MYH2: variants seen among roughly 807,000 people sequenced by gnomAD.
MYH2 encodes the protein myosin heavy chain 2.
MYH2 carries 139 observed loss-of-function variants against 228.1 expected under a neutral mutation model. That is an observed-to-expected ratio of 0.61 (90% CI 0.53 to 0.70). MYH2 has a LOEUF of 0.70. Among genes scored for constraint, MYH2 ranks in the 30% least tolerant of loss-of-function variants. The pLI, the probability that MYH2 is intolerant of heterozygous loss-of-function variation, is 0.00. For synonymous variants in MYH2, 796 were observed against 871.1 expected (o/e 0.91, Z 1.52); for missense variants, 1,809 against 2,357.5 (o/e 0.77, Z 4.82).
rs183147747 is a variant in MYH2 at position 10,545,409 on chromosome 17, G to A, written c.442C>T (p.Arg148Cys). The change falls in exon 5 of 40, where the codon CGC (arginine) becomes TGC (cysteine). Residue 148 changes from arginine to cysteine, a missense_variant. Physicochemically the swap from Arg to Cys is radical, Grantham distance 180. This residue lies in a region of MYH2 where 373 missense variants were observed against 620.4 expected (regional missense o/e 0.60). Coordinates refer to ENST00000245503, the MANE Select transcript of MYH2 (RefSeq NM_017534.6). ...AAGATGTGGGGCGGGGCCTCCTGGC[G>A]CTTTTTGCCTCGGTAGGCTGTCACC... ...EVVTAYRGKK[R>C]QEAPPHIFSI... 2.5e-6 allele frequency: 4 copies of A among 1,614,140 alleles called. No homozygotes were observed. Among genetic ancestry groups the A allele is most frequent in the Admixed American group, 1.7e-5 (1 of 60,008 alleles).
chr17:10,523,952 GA>G (rs1186705011), intron 35 of MYH2, 68 bp from the exon 36 acceptor site: 6 of 1,513,914 alleles, frequency 4.0e-6, no homozygotes, highest in Non-Finnish European at 5.4e-6. Flanking sequence ...ACCACTTCTT[GA>G]AAAAAATTCA....
intron 5 of MYH2, among the ~76,000 whole-genome samples, chr17:10,544,712 A>G (rs16943508): frequency 0.41 from 61,650 of 151,998 alleles, 13,519 homozygotes; most frequent in East Asian, 0.83. Context: ...CTGAAGAGGA[A>G]TTCTCTAAGC....
Position 10,525,313 on chromosome 17 carries a change from C to T in MYH2, c.4573G>A (p.Gly1525Arg), listed in dbSNP as rs910402127. Residue 1525 changes from glycine (G) to arginine (R), a missense_variant, in exon 33 of 40, where the codon GGA becomes AGA. By Grantham distance (125) the Gly-to-Arg change is moderately radical (BLOSUM62 -2). Coordinates refer to ENST00000245503, the MANE Select transcript of MYH2 (RefSeq NM_017534.6). The surrounding 1 kb of genome is among the most constrained non-coding windows in gnomAD (Gnocchi z 4.2). ...ISDLTEQIAE[G>R]GKRIHELEKI... ...TCCAGTTCATGGATACGTTTCCCTC[C>T]TTCTGCAATCTGTTCCGTGAGGTCA... The T allele has an allele frequency of 1.1e-5, 17 of 1,613,984 alleles. 1 individual carries two copies. The highest frequency in any genetic ancestry group is 6.7e-5 in the Admixed American group (4 of 59,988).
chr17:10,530,143 G>A (rs994245672), intron 22 of MYH2, 69 bp from the exon 23 acceptor site: 2 of 1,610,790 alleles, frequency 1.2e-6, no homozygotes, highest in African/African-American at 2.7e-5. Context: ...AAGAGTGTAT[G>A]TTTCTGCATT....
At chr17:10,546,937 A>T (rs1380681893) in intron 4 of MYH2, among the ~76,000 whole-genome samples, 2 of 151,362 alleles carry the variant, frequency 1.3e-5, no homozygotes, top group African/African-American at 4.9e-5. Flanking sequence ...ACGAAAAAAA[A>T]AAAAATAGCC....
chr17:10,522,845 T>C (rs1245294227), intron 39 of MYH2, among the ~76,000 whole-genome samples: 2 of 152,210 alleles, frequency 1.3e-5, no homozygotes, highest in Non-Finnish European at 1.5e-5. Flanking sequence ...AACTCCGTCA[T>C]ACTGTGGCCG....
In MYH2 at chr17:10,537,209, G is replaced by A. The variant is rs1597454463; in HGVS notation, c.1897+24C>T. 5 of 1,613,520 alleles carry A rather than the reference G, an allele frequency of 3.1e-6. No individual in the cohort carries two copies. Among genetic ancestry groups the A allele is most frequent in the Non-Finnish European group, 2.5e-6 (3 of 1,179,482 alleles). On this transcript the variant is annotated intron_variant, in intron 16 of 39. Coordinates refer to ENST00000245503, the MANE Select transcript of MYH2 (RefSeq NM_017534.6). This position sits in a 1 kb window ranked among gnomAD's most constrained non-coding sequence, Gnocchi z 4.0. ...CATCACATTTTGTAATACCTAGAGA[G>A]TATTATTAACATTTGAGCATTACCT...
At position 10,543,789 on chromosome 17, in the gene MYH2, A is replaced by T. The variant is rs1204787304; in HGVS notation, c.663T>A (p.Asp221Glu). Reference protein sequence around the residue: ...TSGKIQGTLEDQIISANPLLE... With the variant: ...TSGKIQGTLEEQIISANPLLE... ...GTAGGGGGTTGGCACTGATGATTTG[A>T]TCTTCCAGAGTCCCCTGCAAAGGCA... Residue 221 changes from aspartate (D) to glutamate (E), a missense_variant, in exon 8 of 40, where the codon GAT becomes GAA. This residue lies in a region of MYH2 where 373 missense variants were observed against 620.4 expected (regional missense o/e 0.60). Coordinates refer to ENST00000245503, the MANE Select transcript of MYH2 (RefSeq NM_017534.6). The T allele has an allele frequency of 6.2e-7, 1 of 1,614,184 alleles. No homozygotes were observed. The highest frequency in any genetic ancestry group is 8.5e-7 in the Non-Finnish European group (1 of 1,180,016).
At chr17:10,540,484 T>G (rs2073537967) in intron 11 of MYH2, 110 bp downstream of exon 11, 1 of 963,090 alleles carries the variant, frequency 1.0e-6, no homozygotes, top group Non-Finnish European at 1.6e-6. Context: ...GCATGTCCAT[T>G]TGCATCCTGG....
chr17:10,534,768 T>C (rs892381233), intron 19 of MYH2, among the ~76,000 whole-genome samples: 2 of 152,074 alleles, frequency 1.3e-5, no homozygotes, highest in African/African-American at 4.8e-5. Context: ...AATGCAAAAA[T>C]TAGCTGGGCG....
In MYH2 at chr17:10,540,470, A is replaced by C. The variant is rs1597456105; in HGVS notation, c.1008+124T>G. 4.8e-6 allele frequency: 4 copies of C among 836,794 alleles called. No homozygotes were observed. The East Asian group carries it at 1.1e-4, about 22-fold the overall frequency. The allele number at this position is 836,794 out of a possible 1,614,324, so 51.8% of individuals were successfully genotyped here. The stretch of plus-strand genomic sequence containing the variant: ...ATCATACTCTTTTCATTTGACTCCA[A>C]GGGGCATGTCCATTTGCATCCTGGA... On this transcript the variant is annotated intron_variant, in intron 11 of 39. Coordinates refer to ENST00000245503, the MANE Select transcript of MYH2 (RefSeq NM_017534.6).
chr17:10,543,321 T>C (rs2073582488), intron 8 of MYH2, among the ~76,000 whole-genome samples, 160 bp from the exon 9 acceptor site: 1 of 152,186 alleles, frequency 6.6e-6, no homozygotes, highest in Non-Finnish European at 1.5e-5. Context: ...GTAGAAGAGT[T>C]TTATCTTTGA....
intron 27 of MYH2, 83 bp from the exon 28 acceptor site, chr17:10,527,957 C>A (rs753329875): frequency 2.0e-6 from 3 of 1,486,604 alleles, no homozygotes; most frequent in Admixed American, 3.5e-5. Flanking sequence ...AACTTCTCCC[C>A]AAAATAAAAA....
At chr17:10,542,619 G>C (rs1266961051) in intron 10 of MYH2, among the ~76,000 whole-genome samples, 1 of 152,186 alleles carries the variant, frequency 6.6e-6, no homozygotes, top group Non-Finnish European at 1.5e-5. Context: ...AAAATGACTA[G>C]AGAGATATTC....
rs143022667 is a variant in MYH2 at position 10,524,638 on chromosome 17, C to A, written c.5003G>T (p.Arg1668Leu). The A allele has an allele frequency of 6.2e-6, 10 of 1,614,104 alleles. No homozygotes were observed. Among genetic ancestry groups the A allele is most frequent in the Non-Finnish European group, 8.5e-6 (10 of 1,180,054 alleles). ...DTQIHLDDAL[R>L]SQEDLKEQLA... ...CTGTTCCTTCAGGTCCTCCTGGCTC[C>A]GGAGAGCATCATCCAGGTGGATCTG... Residue 1668 changes from arginine to leucine, a missense_variant, in exon 35 of 40, where the codon CGG becomes CTG. By Grantham distance (102) the Arg-to-Leu change is moderately radical. Coordinates refer to ENST00000245503, the MANE Select transcript of MYH2 (RefSeq NM_017534.6). This position sits in a 1 kb window ranked among gnomAD's most constrained non-coding sequence, Gnocchi z 4.7.
intron 4 of MYH2, among the ~76,000 whole-genome samples, chr17:10,546,905 C>A (rs549383674): frequency 1.3e-5 from 2 of 150,108 alleles, no homozygotes; most frequent in Non-Finnish European, 3.0e-5. Context: ...CATAGTGAAA[C>A]TCTGTCTCTG....
chr17:10,537,929 C>T lies in MYH2; in HGVS notation c.1417-94G>A. 7 of 1,590,900 alleles carry T rather than the reference C, an allele frequency of 4.4e-6. No individual in the cohort carries two copies. The highest frequency in any genetic ancestry group is 6.0e-6 in the Non-Finnish European group (7 of 1,164,780). Reference sequence around the variant, plus strand: ...CATTTTAAAAATATGTGTCCAAGAGCCTTTATATTACAGATATTAAAATCA... The same window carrying T: ...CATTTTAAAAATATGTGTCCAAGAGTCTTTATATTACAGATATTAAAATCA... On this transcript the variant is annotated intron_variant, in intron 14 of 39. Coordinates refer to ENST00000245503, the MANE Select transcript of MYH2 (RefSeq NM_017534.6). This position sits in a 1 kb window ranked among gnomAD's most constrained non-coding sequence, Gnocchi z 4.0.
At chr17:10,544,170 A>G (rs2073596567) in intron 5 of MYH2, 43 bp from the exon 6 acceptor site, 1 of 1,600,050 alleles carries the variant, frequency 6.2e-7, no homozygotes, top group East Asian at 2.2e-5. Flanking sequence ...TTTCTTACAT[A>G]TTTGTAAATG....
rs889397912 is a variant in MYH2, at chr17:10,537,356, T to C, written c.1774A>G (p.Asn592Asp). The change falls in exon 16 of 40, where the codon AAC becomes GAC. Residue 592 changes from asparagine to aspartate, a missense_variant. Asn to Asp is a conservative substitution (Grantham distance 23). This residue lies in a region of MYH2 where 41 missense variants were observed against 35.1 expected (regional missense o/e 1.17). Transcript: ENST00000245503. The surrounding 1 kb of genome is among the most constrained non-coding windows in gnomAD (Gnocchi z 4.0). The part of the protein sequence containing the change: ...LIHYAGVVDY[N>D]ITGWLEKNKD... ...TTCTTCTCCAGCCAGCCAGTAATGT[T>C]GTAGTCCACAACACCAGCATAGTGA... is the stretch of plus-strand genomic sequence containing the variant. The C allele has an allele frequency of 6.2e-7, 1 of 1,614,216 alleles. No homozygotes were observed. Among genetic ancestry groups the C allele is most frequent in the Non-Finnish European group, 8.5e-7 (1 of 1,180,052 alleles).
Sources: allele counts gnomAD v4.1 joint callset (sites outside exome capture counted in the v4.1 genomes callset), GRCh38; gene constraint gnomAD v4.1.1; regional missense constraint gnomAD v4.1.1; non-coding constraint Gnocchi (gnomAD v3.1); transcripts MANE v1.5; gene names NCBI Gene and HGNC (gene_info 2026-07-23, HGNC 2026-07-21).